The following GRID1 variants were observed in gnomAD, a reference collection of about 807,000 sequenced individuals.
GRID1 encodes the protein glutamate ionotropic receptor delta type subunit 1.
In GRID1, 28 loss-of-function variants were observed where a neutral mutation model predicts 98.0. The observed-to-expected ratio is 0.29, with a 90% CI of 0.21 to 0.39. GRID1 has a LOEUF of 0.39. GRID1 is among the 10% of genes least tolerant of loss of function. GRID1 has a pLI of 1.00. For synonymous variants in GRID1, 553 were observed against 538.5 expected, an observed-to-expected ratio of 1.03 and a Z score of -0.37; for missense variants, 1,111 against 1,340.5, an observed-to-expected ratio of 0.83 and a Z score of 2.67.
intron 4 of GRID1, among the ~76,000 whole-genome samples, chr10:85,977,121 G>T (rs117191955): frequency 6.6e-6 from 1 of 152,354 alleles, no homozygotes; most frequent in South Asian, 2.1e-4. Context: ...TTGATTTGGA[G>T]TTCAGCCCCC....
At chr10:85,844,418 AAT>A (rs1454666284) in intron 8 of GRID1, among the ~76,000 whole-genome samples, 1 of 95,240 alleles carries the variant, frequency 1.0e-5, no homozygotes, top group Non-Finnish European at 2.1e-5. Flanking sequence ...AATACAACTA[AAT>A]ACACACACAC....
intron 3 of GRID1, among the ~76,000 whole-genome samples, chr10:86,190,741 T>C (rs1845790197): frequency 6.6e-6 from 1 of 152,248 alleles, no homozygotes; most frequent in Non-Finnish European, 1.5e-5. Context: ...TGTATTGATC[T>C]TTCTTGGTGA....
At chr10:86,185,239 T>C (rs1845711247) in intron 3 of GRID1, among the ~76,000 whole-genome samples, 2 of 152,152 alleles carry the variant, frequency 1.3e-5, no homozygotes. Flanking sequence ...CCATTTTGTA[T>C]GCTATTGTAA....
chr10:85,829,385 C>A (rs11812235), intron 8 of GRID1, among the ~76,000 whole-genome samples: 12,992 of 152,086 alleles, frequency 0.085, 710 homozygotes, highest in Middle Eastern at 0.17. Flanking sequence ...CGCTGAGAAC[C>A]AAAACAAGAC....
At chr10:86,214,305 C>T (rs957420374) in intron 2 of GRID1, among the ~76,000 whole-genome samples, 1 of 152,188 alleles carries the variant, frequency 6.6e-6, no homozygotes, top group South Asian at 2.1e-4. Flanking sequence ...CAGGACTCTT[C>T]CCACACTCTC....
intron 4 of GRID1, among the ~76,000 whole-genome samples, chr10:85,991,130 C>G (rs1300923160): frequency 1.3e-5 from 2 of 152,136 alleles, no homozygotes; most frequent in Non-Finnish European, 2.9e-5. Flanking sequence ...CCAGAGTTGC[C>G]TGATTGTCTG....
At chr10:85,731,623 A>G (rs1477291476) in intron 8 of GRID1, among the ~76,000 whole-genome samples, 2 of 151,978 alleles carry the variant, frequency 1.3e-5, no homozygotes, top group Non-Finnish European at 2.9e-5. Flanking sequence ...CAATGTGGTG[A>G]AATACTGCCT....
At chr10:85,694,120 T>C (rs1841362443) in intron 12 of GRID1, among the ~76,000 whole-genome samples, 1 of 151,908 alleles carries the variant, frequency 6.6e-6, no homozygotes, top group Non-Finnish European at 1.5e-5. Context: ...GTAAAGGAAA[T>C]GAACAAACAC....
chr10:85,774,136 A>C, intron 8 of GRID1, among the ~76,000 whole-genome samples: 1 of 152,210 alleles, frequency 6.6e-6, no homozygotes, highest in Non-Finnish European at 1.5e-5. Context: ...GATAGCGATC[A>C]ATGGAACAGA....
At chr10:85,684,346 A>T (rs1235050945) in intron 12 of GRID1, among the ~76,000 whole-genome samples, 1 of 152,260 alleles carries the variant, frequency 6.6e-6, no homozygotes, top group African/African-American at 2.4e-5. Context: ...TTGTAAATAT[A>T]GAGATAAAAA....
At chr10:86,044,639 C>T (rs1843395913) in intron 4 of GRID1, among the ~76,000 whole-genome samples, 4 of 152,234 alleles carry the variant, frequency 2.6e-5, no homozygotes, top group Admixed American at 2.6e-4. Context: ...GGTGCCGTTA[C>T]AGGGTCCCCC....
chr10:85,724,505 T>C lies in GRID1; in HGVS notation c.1705A>G (p.Ile569Val), dbSNP rs537483916. 1.5e-5 allele frequency: 25 copies of C among 1,614,130 alleles called. No homozygotes were observed. In the East Asian group the frequency reaches 4.2e-4, roughly 27 times the overall value. ...APFDFAVWACIAAAIPVVGVL... is the reference protein window; with the variant it reads ...APFDFAVWACVAAAIPVVGVL... ...CCAACCACAGGGATGGCTGCTGCAA[T>C]GCAGGCCCACACAGCGAAATCAAAT... The change falls in exon 11 of 16, where the codon ATT becomes GTT. Residue 569 changes from isoleucine (I) to valine (V), a missense_variant. Coordinates refer to ENST00000327946, the MANE Select transcript of GRID1 (RefSeq NM_017551.3).
At chr10:86,056,264 T>C (rs1040659073) in intron 4 of GRID1, among the ~76,000 whole-genome samples, 5 of 152,204 alleles carry the variant, frequency 3.3e-5, no homozygotes, top group Non-Finnish European at 7.3e-5. Context: ...CCTGGTTCTA[T>C]AGATGATGAT....
intron 12 of GRID1, among the ~76,000 whole-genome samples, chr10:85,676,591 C>T (rs12255557): frequency 0.15 from 23,450 of 152,202 alleles, 2,051 homozygotes; most frequent in Middle Eastern, 0.27. Context: ...CAGTCAAACA[C>T]ACCACAATGG....
At chr10:86,105,844 G>C (rs1844377106) in intron 4 of GRID1, among the ~76,000 whole-genome samples, 1 of 152,164 alleles carries the variant, frequency 6.6e-6, no homozygotes, top group African/African-American at 2.4e-5. Flanking sequence ...AACTGGCCTG[G>C]GCACCACAGG....
chr10:85,772,877 C>T (rs1178240929), intron 8 of GRID1, among the ~76,000 whole-genome samples: 13 of 152,184 alleles, frequency 8.5e-5, no homozygotes, highest in Non-Finnish European at 1.6e-4. Context: ...GATTCACAGC[C>T]GAATTCTACC....
rs191706925 is a variant in GRID1, at chr10:85,819,712, G to T, written c.1233+34784C>A. Among the ~76,000 whole-genome samples, 377 of 151,970 alleles carry T rather than the reference G, an allele frequency of 2.5e-3. 1 individual carries two copies. The highest frequency in any genetic ancestry group is 8.3e-3 in the African/African-American group (343 of 41,458). ...GCGGATCACTTGAGGTCAAGAGTTC[G>T]AGACCAGCCTGGCCAACACGGTGAA... On this transcript the variant is annotated intron_variant, in intron 8 of 15. Transcript: ENST00000327946.
intron 4 of GRID1, among the ~76,000 whole-genome samples, chr10:85,922,467 T>TC (rs1564627374): frequency 1.3e-5 from 2 of 152,218 alleles, no homozygotes; most frequent in East Asian, 1.9e-4. Flanking sequence ...TATCTAGGCA[T>TC]CCCCCCAACA....
chr10:86,206,276 G>A lies in GRID1; in HGVS notation c.520+88C>T, dbSNP rs890889878. On this transcript the variant is annotated intron_variant, in intron 3 of 15. Transcript: ENST00000327946. The surrounding 1 kb of genome is among the most constrained non-coding windows in gnomAD (Gnocchi z 4.1). ...CACTCAGCACAGACCACCCCTGACC[G>A]GTCCAGGGCCCCACCCACTCTCAGG... is the stretch of plus-strand genomic sequence containing the variant. The A allele has an allele frequency of 3.7e-5, 49 of 1,324,382 alleles. No homozygotes were observed. The highest frequency in any genetic ancestry group is 2.0e-4 in the Middle Eastern group (1 of 4,996). The allele number at this position is 1,324,382 out of a possible 1,614,324, so 82.0% of individuals were successfully genotyped here. A position where few individuals can be genotyped will look rare whatever the true frequency, so the allele number is the denominator to read the frequency against.
Sources: allele counts gnomAD v4.1 joint callset (sites outside exome capture counted in the v4.1 genomes callset), GRCh38; gene constraint gnomAD v4.1.1; non-coding constraint Gnocchi (gnomAD v3.1); transcripts MANE v1.5; gene names NCBI Gene and HGNC (gene_info 2026-07-23, HGNC 2026-07-21).